DPH6: variants seen among roughly 807,000 people sequenced by gnomAD.
The protein encoded by DPH6 is diphthamine biosynthesis 6.
Under a neutral mutation model 38.2 loss-of-function variants are expected in DPH6, and 33 were observed. The observed-to-expected ratio is 0.86, with a 90% CI of 0.65 to 1.15. The LOEUF is 1.15. Ranked by LOEUF, DPH6 falls within the 50% of genes most tolerant of loss-of-function variation. The probability of loss-of-function intolerance (pLI) is 0.00; values close to 1 mark genes in which losing one functional copy is unlikely to be tolerated. For synonymous variants in DPH6, 108 were observed against 103.0 expected, an observed-to-expected ratio of 1.05 and a Z score of -0.30; for missense variants, 325 against 320.0, an observed-to-expected ratio of 1.02 and a Z score of -0.12.
the DPH6 span, among the ~76,000 whole-genome samples, chr15:35,154,329 TA>T: frequency 1.3e-5 from 1 of 79,132 alleles, no homozygotes; most frequent in East Asian, 4.8e-4. Context: ...AAAAATAAAA[TA>T]AATAAATAAA....
intron 3 of DPH6, among the ~76,000 whole-genome samples, chr15:35,460,638 C>T (rs988159285): frequency 6.6e-6 from 1 of 152,182 alleles, no homozygotes; most frequent in African/African-American, 2.4e-5. Context: ...CTCAACAACG[C>T]TCTGAGGTGG....
intron 3 of DPH6, among the ~76,000 whole-genome samples, chr15:35,315,433 T>C (rs973225549): frequency 2.0e-5 from 3 of 152,256 alleles, no homozygotes; most frequent in East Asian, 3.8e-4. Flanking sequence ...TGTTTGAGCA[T>C]AGTTATAATG....
intron 5 of DPH6, among the ~76,000 whole-genome samples, chr15:35,428,989 A>G (rs76142575): frequency 0.025 from 3,874 of 152,310 alleles, 74 homozygotes; most frequent in African/African-American, 0.056. Context: ...TTCTGAAGAT[A>G]TGTTGCTAAT....
the DPH6 span, among the ~76,000 whole-genome samples, chr15:35,179,348 A>C: frequency 6.6e-6 from 1 of 152,114 alleles, no homozygotes; most frequent in Non-Finnish European, 1.5e-5. Context: ...ATAATTGGAA[A>C]TGTCCACAAG....
intron 6 of DPH6, among the ~76,000 whole-genome samples, chr15:35,387,950 G>T (rs765563424): frequency 1.7e-3 from 262 of 152,126 alleles, no homozygotes; most frequent in Non-Finnish European, 3.3e-3. Flanking sequence ...TCCAGTTTTT[G>T]TCCATTCAGT....
chr15:35,310,011 C>A (rs1000493025), intron 3 of DPH6, among the ~76,000 whole-genome samples: 4 of 151,868 alleles, frequency 2.6e-5, no homozygotes, highest in African/African-American at 7.3e-5. Flanking sequence ...CTTTTTTTTC[C>A]CCCTGTGTCA....
chr15:35,515,275 A>G (rs1294002561), intron 3 of DPH6, among the ~76,000 whole-genome samples: 1 of 152,126 alleles, frequency 6.6e-6, no homozygotes, highest in African/African-American at 2.4e-5. Flanking sequence ...CAAAGGAAAA[A>G]GCATATAGAA....
intron 2 of DPH6, among the ~76,000 whole-genome samples, chr15:35,540,452 A>G (rs1443516798): frequency 6.6e-6 from 1 of 152,084 alleles, no homozygotes; most frequent in Non-Finnish European, 1.5e-5. Context: ...GGTTTCTTTC[A>G]TAACACTCAT....
intron 3 of DPH6, among the ~76,000 whole-genome samples, chr15:35,293,351 T>TA (rs913806202): frequency 5.3e-5 from 8 of 152,162 alleles, no homozygotes; most frequent in African/African-American, 1.2e-4. Context: ...CTATTTTCTT[T>TA]AAAAAAATAG....
chr15:35,328,168 C>G (rs1439631055), downstream of DPH6, among the ~76,000 whole-genome samples: 3 of 152,076 alleles, frequency 2.0e-5, no homozygotes, highest in Non-Finnish European at 4.4e-5. Flanking sequence ...TAGAGTCTAT[C>G]ATAGCCTCTA....
In DPH6 at chr15:35,288,049, C is replaced by T. The variant is rs1486152766; in HGVS notation, n.201-67467G>A. Among the ~76,000 whole-genome samples, 7 of 152,180 alleles carry T rather than the reference C, an allele frequency of 4.6e-5. No individual in the cohort carries two copies. In the South Asian group the frequency reaches 1.2e-3, roughly 27 times the overall value. ...TGCTATGCTGAATAAGCATGCTCCC[C>T]TTGCCTGTCTGAATTCTATATGCCC... On this transcript the variant is annotated intron_variant and non_coding_transcript_variant, in intron 3 of 3. Coordinates refer to the DPH6 transcript ENST00000560386.
chr15:35,417,587 CCAA>C (rs1431943954), intron 5 of DPH6, among the ~76,000 whole-genome samples: 1 of 151,960 alleles, frequency 6.6e-6, no homozygotes, highest in African/African-American at 2.4e-5. Flanking sequence ...ATTTACTTTA[CCAA>C]CAAGAAGAAC....
intron 5 of DPH6, among the ~76,000 whole-genome samples, chr15:35,418,042 C>A (rs1220770449): frequency 6.6e-6 from 1 of 152,054 alleles, no homozygotes; most frequent in East Asian, 1.9e-4. Context: ...TTACCTCAGT[C>A]CTTGGAAAAG....
intron 3 of DPH6, among the ~76,000 whole-genome samples, chr15:35,471,256 T>C (rs2054195463): frequency 6.6e-6 from 1 of 152,190 alleles, no homozygotes; most frequent in South Asian, 2.1e-4. Context: ...ACAGGTAACA[T>C]AAGACTCTCT....
chr15:35,535,678 C>A (rs574866274), intron 3 of DPH6, among the ~76,000 whole-genome samples: 1 of 152,204 alleles, frequency 6.6e-6, no homozygotes, highest in South Asian at 2.1e-4. Flanking sequence ...ACAGAAGTTA[C>A]ATTTTAACAG....
At chr15:35,348,401 A>C (rs1381977393) in intron 3 of DPH6, among the ~76,000 whole-genome samples, 3 of 152,176 alleles carry the variant, frequency 2.0e-5, no homozygotes, top group Admixed American at 2.0e-4. Flanking sequence ...TTTGTTGAAG[A>C]GACTATTTTC....
At chr15:35,390,858 C>T (rs28808124) in intron 6 of DPH6, among the ~76,000 whole-genome samples, 50,307 of 152,098 alleles carry the variant, frequency 0.33, 9,285 homozygotes, top group African/African-American at 0.5. Flanking sequence ...AGTGATTCTC[C>T]GTCCAGCTTT....
At chr15:35,223,439 C>T (rs2051455771) in intron 3 of DPH6, among the ~76,000 whole-genome samples, 1 of 152,164 alleles carries the variant, frequency 6.6e-6, no homozygotes, top group Admixed American at 6.5e-5. Context: ...GTAATCCCTG[C>T]ACTTTGGGAG....
At chr15:35,346,259 T>C (rs189281871) in intron 3 of DPH6, among the ~76,000 whole-genome samples, 53 of 152,158 alleles carry the variant, frequency 3.5e-4, no homozygotes, top group African/African-American at 1.3e-3. Flanking sequence ...GCCCCTAAAA[T>C]GCTTGGTAAA....
Sources: allele counts gnomAD v4.1 joint callset (sites outside exome capture counted in the v4.1 genomes callset), GRCh38; gene constraint gnomAD v4.1.1; transcripts MANE v1.5; gene names NCBI Gene and HGNC (gene_info 2026-07-23, HGNC 2026-07-21).